RGL1: variants seen among roughly 807,000 people sequenced by gnomAD.
The protein encoded by RGL1 is ral guanine nucleotide dissociation stimulator-like 1.
In RGL1, 24 loss-of-function variants were observed where a neutral mutation model predicts 95.2. That is an observed-to-expected ratio of 0.25 (90% CI 0.18 to 0.35). The LOEUF is 0.35. RGL1 is among the 10% of genes least tolerant of loss of function. The probability of loss-of-function intolerance (pLI) is 1.00; values close to 1 mark genes in which losing one functional copy is unlikely to be tolerated. For missense variants in RGL1, 715 were observed against 936.3 expected (o/e 0.76, Z 3.08); for synonymous variants, 329 against 344.9 (o/e 0.95, Z 0.51).
At chr1:183,880,851 C>G in intron 5 of RGL1, 51 bp downstream of exon 5, 2 of 1,533,970 alleles carry the variant, frequency 1.3e-6, no homozygotes, top group Non-Finnish European at 1.8e-6. Context: ...ATTCTCCAGC[C>G]TCCACGCTGG....
chr1:183,726,128 A>G (rs1179088258), intron 1 of RGL1, among the ~76,000 whole-genome samples: 2 of 152,206 alleles, frequency 1.3e-5, no homozygotes, highest in African/African-American at 4.8e-5. Flanking sequence ...GAAGACACAC[A>G]TATCAAAATT....
At chr1:183,658,182 A>G (rs2102016710) in intron 1 of RGL1, among the ~76,000 whole-genome samples, 1 of 152,300 alleles carries the variant, frequency 6.6e-6, no homozygotes, top group African/African-American at 2.4e-5. Flanking sequence ...GGTTCATCTC[A>G]CTAGGGAGTG....
intron 1 of RGL1, among the ~76,000 whole-genome samples, chr1:183,705,953 G>A (rs1654887123): frequency 6.6e-6 from 1 of 152,130 alleles, no homozygotes; most frequent in African/African-American, 2.4e-5. Context: ...GACTTTAAGA[G>A]TAACGTGGAC....
intron 3 of RGL1, among the ~76,000 whole-genome samples, chr1:183,850,335 T>C (rs1013162608): frequency 2.0e-5 from 3 of 152,086 alleles, no homozygotes; most frequent in East Asian, 1.9e-4. Context: ...TTAAAAGTTA[T>C]TTATTAAAAT....
intron 14 of RGL1, among the ~76,000 whole-genome samples, chr1:183,909,075 T>C (rs76101694): frequency 0.034 from 5,221 of 152,308 alleles, 123 homozygotes; most frequent in South Asian, 0.057. Flanking sequence ...TCAGTACATC[T>C]CTTACTAGTA....
chr1:183,696,132 T>C (rs2102127152), intron 1 of RGL1, among the ~76,000 whole-genome samples: 1 of 152,332 alleles, frequency 6.6e-6, no homozygotes, highest in African/African-American at 2.4e-5. Context: ...GACCTCTGTG[T>C]AGCCAAATCT....
At chr1:183,683,577 T>C (rs1653368153) in intron 1 of RGL1, among the ~76,000 whole-genome samples, 1 of 152,212 alleles carries the variant, frequency 6.6e-6, no homozygotes, top group Admixed American at 6.5e-5. Flanking sequence ...ACCCGACCTT[T>C]CTTTCTGGTT....
chr1:183,762,195 A>G (rs748659914), intron 2 of RGL1, among the ~76,000 whole-genome samples: 7 of 152,214 alleles, frequency 4.6e-5, no homozygotes, highest in Non-Finnish European at 1.0e-4. Context: ...TTGGCACAAG[A>G]GGCTTAGCTT....
In RGL1 at chr1:183,648,243, A is replaced by G. The variant is rs779312912; in HGVS notation, c.-33+11742A>G. The stretch of plus-strand genomic sequence containing the variant: ...TGGACTCAAAACAACCCGCGGCCAT[A>G]AGCTGGCCAGGCTCCGGAGAGCTTC... On this transcript the variant is annotated intron_variant, in intron 1 of 18. Transcript: ENST00000304685. 3 of 1,614,204 alleles carry G rather than the reference A, an allele frequency of 1.9e-6. No individual in the cohort carries two copies. Among genetic ancestry groups the G allele is most frequent in the Non-Finnish European group, 2.5e-6 (3 of 1,180,036 alleles).
At chr1:183,813,179 TGGGGATGAGTGTAGGC>T (rs1194036891) in intron 2 of RGL1, among the ~76,000 whole-genome samples, 1 of 151,678 alleles carries the variant, frequency 6.6e-6, no homozygotes, top group Non-Finnish European at 1.5e-5. Flanking sequence ...ACAAGGTAGG[TGGGGATGAGTGTAGGC>T]GGGGCACAGG....
intron 3 of RGL1, among the ~76,000 whole-genome samples, chr1:183,853,575 G>A (rs1664959730): frequency 1.3e-5 from 2 of 152,206 alleles, no homozygotes; most frequent in Admixed American, 6.5e-5. Context: ...TGCTTATGGT[G>A]CAGAGAAGAG....
At chr1:183,835,217 C>CA (rs754264399) in intron 2 of RGL1, among the ~76,000 whole-genome samples, 13,705 of 151,976 alleles carry the variant, frequency 0.09, 651 homozygotes, top group South Asian at 0.11. Context: ...TTTCTATATG[C>CA]TACTTTCTTC....
chr1:183,807,228 A>C (rs911504779), intron 2 of RGL1, among the ~76,000 whole-genome samples: 1 of 152,186 alleles, frequency 6.6e-6, no homozygotes, highest in Non-Finnish European at 1.5e-5. Flanking sequence ...AATGTCAAAC[A>C]TGTGGAAGAA....
intron 1 of RGL1, among the ~76,000 whole-genome samples, chr1:183,673,987 C>G (rs1467829987): frequency 1.3e-5 from 2 of 152,152 alleles, no homozygotes; most frequent in African/African-American, 2.4e-5. Flanking sequence ...TCCAACCTAC[C>G]TGAATTATGT....
chr1:183,836,354 G>A (rs768023622), intron 2 of RGL1, among the ~76,000 whole-genome samples: 8 of 151,930 alleles, frequency 5.3e-5, no homozygotes, highest in Non-Finnish European at 1.2e-4. Context: ...GGGTTCAAGC[G>A]AGTCTCCTGC....
intron 2 of RGL1, among the ~76,000 whole-genome samples, chr1:183,746,049 T>C (rs1056087954): frequency 6.6e-6 from 1 of 152,078 alleles, no homozygotes; most frequent in African/African-American, 2.4e-5. Context: ...AAGTGCTTAT[T>C]TTTTAACATT....
chr1:183,850,477 C>T (rs1462530614), intron 3 of RGL1, among the ~76,000 whole-genome samples: 3 of 152,050 alleles, frequency 2.0e-5, no homozygotes, highest in Admixed American at 6.5e-5. Flanking sequence ...AAGTAGTTTA[C>T]TCGTAAGATG....
intron 3 of RGL1, among the ~76,000 whole-genome samples, chr1:183,856,618 CT>C (rs1382397957): frequency 6.7e-6 from 1 of 149,164 alleles, no homozygotes; most frequent in East Asian, 2.0e-4. Context: ...TATTTTCTCC[CT>C]GTAAATATAT....
intron 1 of RGL1, among the ~76,000 whole-genome samples, chr1:183,668,311 C>T (rs768564525): frequency 2.0e-5 from 3 of 152,110 alleles, no homozygotes; most frequent in Non-Finnish European, 4.4e-5. Context: ...GTTAATTTCA[C>T]AGGGTGTGGA....
Sources: allele counts gnomAD v4.1 joint callset (sites outside exome capture counted in the v4.1 genomes callset), GRCh38; gene constraint gnomAD v4.1.1; transcripts MANE v1.5; gene names NCBI Gene and HGNC (gene_info 2026-07-23, HGNC 2026-07-21).